Variants in RGS10 observed in about 807,000 individuals in gnomAD.
RGS10 encodes the protein regulator of G protein signaling 10.
A neutral mutation model predicts 23.5 loss-of-function variants in RGS10; 11 were observed. The ratio of observed to expected loss-of-function variants is 0.47; its 90% CI spans 0.29 to 0.77. RGS10 has a LOEUF of 0.77. Ranked by LOEUF, RGS10 falls within the 30% of genes least tolerant of loss-of-function variation. The pLI, the probability that RGS10 is intolerant of heterozygous loss-of-function variation, is 0.08. For missense variants in RGS10, 180 were observed against 226.3 expected, an observed-to-expected ratio of 0.80 and a Z score of 1.31; for synonymous variants, 77 against 83.2, an observed-to-expected ratio of 0.92 and a Z score of 0.41.
chr10:119,535,271 G>GGA (rs1554859021), intron 1 of RGS10, among the ~76,000 whole-genome samples: 3 of 122,372 alleles, frequency 2.5e-5, no homozygotes, highest in East Asian at 2.5e-4. Context: ...AATCCATGCA[G>GGA]AAAAAAAAAA....
intron 3 of RGS10, chr10:119,516,345 G>T: frequency 6.6e-6 from 1 of 152,118 alleles, no homozygotes; most frequent in Non-Finnish European, 1.5e-5. Context: ...TGCTTGGAGG[G>T]ATCCCATTTC....
chr10:119,529,572 A>G (rs556695107), intron 1 of RGS10, among the ~76,000 whole-genome samples: 1 of 152,306 alleles, frequency 6.6e-6, no homozygotes, highest in South Asian at 2.1e-4. Flanking sequence ...GGGTTATCAT[A>G]AGGATTCAAA....
At position 119,538,827 on chromosome 10, in the gene RGS10, T is replaced by C. The variant is rs1469079533; in HGVS notation, c.49+3763A>G. On this transcript the variant is annotated intron_variant, in intron 1 of 4. Transcript: ENST00000369103. The surrounding 1 kb of genome is among the most constrained non-coding windows in gnomAD (Gnocchi z 4.5). Reference sequence around the variant, plus strand: ...CAGGCTGCTGCAGCAAAGAACTATCTGGGGGAAGCAGAAGAAACTTGGGGG... The same window carrying C: ...CAGGCTGCTGCAGCAAAGAACTATCCGGGGGAAGCAGAAGAAACTTGGGGG... Among the ~76,000 whole-genome samples, 2 of 152,034 alleles carry C rather than the reference T, an allele frequency of 1.3e-5. No homozygotes were observed. Among genetic ancestry groups the C allele is most frequent in the Non-Finnish European group, 2.9e-5 (2 of 67,996 alleles).
At chr10:119,511,771 G>A (rs1261159814) in intron 4 of RGS10, among the ~76,000 whole-genome samples, 1 of 152,140 alleles carries the variant, frequency 6.6e-6, no homozygotes, top group Non-Finnish European at 1.5e-5. Flanking sequence ...CCATGGTGCG[G>A]CGTGTGGCAA....
intron 3 of RGS10, among the ~76,000 whole-genome samples, chr10:119,518,460 C>T (rs189962044): frequency 1.1e-4 from 16 of 152,338 alleles, no homozygotes; most frequent in African/African-American, 3.4e-4. Context: ...CTCAGCCAGA[C>T]GTCAGCTCTC....
intron 1 of RGS10, among the ~76,000 whole-genome samples, chr10:119,539,541 G>A (rs540766136): frequency 1.3e-5 from 2 of 152,232 alleles, no homozygotes; most frequent in East Asian, 1.9e-4. Flanking sequence ...ATCCCGTTGG[G>A]GGACCCTCAC....
In RGS10 at chr10:119,510,872, C is replaced by CCA. The variant is rs1341175772; in HGVS notation, c.399+4635_399+4636dup. Among the ~76,000 whole-genome samples the CCA allele has an allele frequency of 2.6e-5, 4 of 152,074 alleles. No individual in the cohort carries two copies. In the East Asian group the frequency reaches 7.8e-4, roughly 29 times the overall value. On this transcript the variant is annotated intron_variant, in intron 4 of 4. Transcript: ENST00000369103. ...TAGCTGGGACTACAGGCGCCCACCA[C>CCA]CACACTTGGCTAATTTTTTGTATTT...
At chr10:119,519,850 G>A (rs1439906742) in intron 3 of RGS10, among the ~76,000 whole-genome samples, 2 of 152,182 alleles carry the variant, frequency 1.3e-5, no homozygotes, top group East Asian at 3.9e-4. Context: ...TCTGTCCTTG[G>A]TGACAACTCT....
intron 3 of RGS10, among the ~76,000 whole-genome samples, chr10:119,520,635 C>A (rs922143463): frequency 2.0e-5 from 3 of 151,958 alleles, no homozygotes; most frequent in Non-Finnish European, 4.4e-5. Context: ...CAAATATAGA[C>A]CCCCCGCGCC....
chr10:119,521,142 G>A (rs928670654), intron 3 of RGS10, among the ~76,000 whole-genome samples: 35 of 151,786 alleles, frequency 2.3e-4, no homozygotes, highest in African/African-American at 6.3e-4. Context: ...AGGCTGAGGC[G>A]AGAGGATTTC....
chr10:119,525,517 T>C (rs1296413249), intron 3 of RGS10, among the ~76,000 whole-genome samples: 2 of 152,102 alleles, frequency 1.3e-5, no homozygotes, highest in Non-Finnish European at 2.9e-5. Flanking sequence ...CCCTCCCTCA[T>C]ACCCAACCAG....
intron 3 of RGS10, among the ~76,000 whole-genome samples, chr10:119,516,823 C>T (rs1223906326): frequency 6.6e-6 from 1 of 152,216 alleles, no homozygotes; most frequent in East Asian, 1.9e-4. Flanking sequence ...GAGCCCTCTC[C>T]TCCAGAACTT....
rs1438136129 is a variant in RGS10, at chr10:119,521,822, C to T, written c.255+4210G>A. ...TCTTCAAACTTCTGAGTGTGTTTCACCCCAGAATTCTATGCTCTGTCAGAT... is the reference window on the plus strand; with the variant it reads ...TCTTCAAACTTCTGAGTGTGTTTCATCCCAGAATTCTATGCTCTGTCAGAT... On this transcript the variant is annotated intron_variant, in intron 3 of 4. Coordinates refer to ENST00000369103, the MANE Select transcript of RGS10 (RefSeq NM_001005339.2). Among the ~76,000 whole-genome samples, 3 of 151,786 alleles carry T rather than the reference C, an allele frequency of 2.0e-5. No individual in the cohort carries two copies. The East Asian group carries it at 5.8e-4, about 29-fold the overall frequency.
chr10:119,530,431 G>A (rs1443624749), intron 1 of RGS10, among the ~76,000 whole-genome samples: 3 of 152,188 alleles, frequency 2.0e-5, no homozygotes, highest in Non-Finnish European at 2.9e-5. Context: ...GCTCATGCCT[G>A]TAATCCAAAC....
chr10:119,534,930 C>T (rs1180087543), intron 1 of RGS10, among the ~76,000 whole-genome samples: 4 of 152,064 alleles, frequency 2.6e-5, no homozygotes, highest in Non-Finnish European at 4.4e-5. Flanking sequence ...AAATGATTTA[C>T]AGTGTGCTGG....
chr10:119,506,764 G>A (rs1450386147), intron 4 of RGS10, among the ~76,000 whole-genome samples: 2 of 152,100 alleles, frequency 1.3e-5, no homozygotes, highest in Non-Finnish European at 2.9e-5. Context: ...GCAGCGGCGC[G>A]ATCTCAGCTC....
intron 4 of RGS10, among the ~76,000 whole-genome samples, chr10:119,510,854 G>A (rs1166740180): frequency 2.6e-5 from 4 of 152,000 alleles, no homozygotes; most frequent in Non-Finnish European, 4.4e-5. Context: ...GAGTAGCTGG[G>A]ACTACAGGCG....
chr10:119,521,162 C>A (rs1844208734), intron 3 of RGS10, among the ~76,000 whole-genome samples: 1 of 151,836 alleles, frequency 6.6e-6, no homozygotes, highest in African/African-American at 2.4e-5. Context: ...CTTTTGGGAC[C>A]AGCCTAAGCA....
chr10:119,502,623 C>A (rs1026474969), intron 4 of RGS10, among the ~76,000 whole-genome samples: 1 of 152,104 alleles, frequency 6.6e-6, no homozygotes, highest in Non-Finnish European at 1.5e-5. Context: ...GAGGCTGCTT[C>A]GGCTGGGAGG....
Sources: gnomAD v4.1 joint callset for allele counts (sites outside exome capture counted in the v4.1 genomes callset) on GRCh38, gnomAD v4.1.1 for gene constraint, Gnocchi (gnomAD v3.1) non-coding constraint, MANE v1.5 for transcripts, NCBI Gene and HGNC (gene_info 2026-07-23, HGNC 2026-07-21) for gene names.